Variants in CNTNAP2 observed in about 807,000 individuals in gnomAD.
CNTNAP2 encodes the protein contactin associated protein 2, also known as contactin-associated protein-like 2.
A neutral mutation model predicts 155.2 loss-of-function variants in CNTNAP2; 98 were observed. The observed-to-expected ratio is 0.63, with a 90% CI of 0.54 to 0.75. CNTNAP2 has a LOEUF of 0.75. Ranked by LOEUF, CNTNAP2 falls within the 30% of genes least tolerant of loss-of-function variation. The pLI is 0.00. For missense variants in CNTNAP2, 1,727 were observed against 1,688.1 expected (o/e 1.02, Z -0.40); for synonymous variants, 651 against 631.2 (o/e 1.03, Z -0.47).
At chr7:146,233,551 G>C (rs1400793691) in intron 1 of CNTNAP2, among the ~76,000 whole-genome samples, 2 of 151,946 alleles carry the variant, frequency 1.3e-5, no homozygotes, top group African/African-American at 2.4e-5. Flanking sequence ...TGCCATGCTA[G>C]TGTGCTGCAC....
intron 11 of CNTNAP2, among the ~76,000 whole-genome samples, chr7:147,515,182 A>C (rs1233849248): frequency 6.6e-6 from 1 of 152,130 alleles, no homozygotes; most frequent in Non-Finnish European, 1.5e-5. Flanking sequence ...GGCAAGATCC[A>C]TCAACTCCAT....
chr7:147,149,765 A>T (rs1465845113), intron 8 of CNTNAP2, among the ~76,000 whole-genome samples: 2 of 152,176 alleles, frequency 1.3e-5, no homozygotes, highest in Non-Finnish European at 2.9e-5. Context: ...CAGATTATGG[A>T]GTGGGAGGTG....
chr7:147,236,964 G>T (rs986615709), intron 8 of CNTNAP2, among the ~76,000 whole-genome samples: 1 of 149,524 alleles, frequency 6.7e-6, no homozygotes, highest in Admixed American at 6.7e-5. Context: ...ATACCCTTTG[G>T]ATTGTCAAAA....
intron 3 of CNTNAP2, among the ~76,000 whole-genome samples, chr7:146,977,306 A>C (rs1461539239): frequency 6.6e-6 from 1 of 152,168 alleles, no homozygotes; most frequent in East Asian, 1.9e-4. Flanking sequence ...AATCAGAATG[A>C]AGGAGACATA....
Position 147,603,262 on chromosome 7 carries a change from T to C in CNTNAP2, c.1898-35844T>C, listed in dbSNP as rs566364985. ...TGATGATGAGCATTTTTTCATGTGT[T>C]TTTTGGCTGCATAAATGTCTTCTTT... On this transcript the variant is annotated intron_variant, in intron 12 of 23. Coordinates refer to ENST00000361727, the MANE Select transcript of CNTNAP2 (RefSeq NM_014141.6). 3.3e-5 allele frequency among the ~76,000 whole-genome samples: 5 copies of C among 151,812 alleles called. No homozygotes were observed. The East Asian group carries it at 7.7e-4, about 23-fold the overall frequency.
At chr7:147,517,665 A>G (rs1393081453) in intron 11 of CNTNAP2, among the ~76,000 whole-genome samples, 5 of 152,258 alleles carry the variant, frequency 3.3e-5, no homozygotes, top group Admixed American at 2.0e-4. Context: ...ATAAGACTAC[A>G]GCACAAAGTA....
At chr7:146,806,897 TA>T (rs1240596888) in intron 2 of CNTNAP2, among the ~76,000 whole-genome samples, 3 of 152,144 alleles carry the variant, frequency 2.0e-5, no homozygotes, top group African/African-American at 7.2e-5. Context: ...GTTTTATCTG[TA>T]AAAGTGGTAT....
intron 1 of CNTNAP2, among the ~76,000 whole-genome samples, chr7:146,726,215 T>A (rs1223999009): frequency 1.3e-5 from 2 of 152,174 alleles, no homozygotes; most frequent in African/African-American, 4.8e-5. Flanking sequence ...TTTTCCTCAA[T>A]ATTTCTAGAA....
chr7:148,332,947 C>A (rs559494469), intron 21 of CNTNAP2, among the ~76,000 whole-genome samples: 2 of 152,250 alleles, frequency 1.3e-5, no homozygotes, highest in East Asian at 3.9e-4. Context: ...TAAGATTATC[C>A]TTTCTAGTGT....
intron 1 of CNTNAP2, among the ~76,000 whole-genome samples, chr7:146,497,509 G>T (rs559962920): frequency 1.3e-5 from 2 of 151,790 alleles, no homozygotes; most frequent in African/African-American, 4.8e-5. Context: ...CCAACTTCAG[G>T]CTTCTTAGTT....
At chr7:146,509,291 TG>T (rs1797431974) in intron 1 of CNTNAP2, among the ~76,000 whole-genome samples, 1 of 152,204 alleles carries the variant, frequency 6.6e-6, no homozygotes, top group South Asian at 2.1e-4. Flanking sequence ...GCCTTGCCCC[TG>T]TGCTAACCAC....
At position 146,975,023 on chromosome 7, in the gene CNTNAP2, C is replaced by T. The variant is rs1037546846; in HGVS notation, c.403-68884C>T. On this transcript the variant is annotated intron_variant, in intron 3 of 23. Transcript: ENST00000361727. ...ATAGACAGTATATTCACCAGGTATA[C>T]GTATATTAACTTCTATTAATTTAAT... Among the ~76,000 whole-genome samples, 8 of 152,144 alleles carry T rather than the reference C, an allele frequency of 5.3e-5. No individual in the cohort carries two copies. The East Asian group carries it at 5.8e-4, about 11-fold the overall frequency.
Position 148,417,543 on chromosome 7 carries a change from T to C in CNTNAP2, c.*1927T>C, listed in dbSNP as rs1800022666. 1 of 152,394 alleles carries C rather than the reference T, an allele frequency of 6.6e-6. No homozygotes were observed. Among genetic ancestry groups the C allele is most frequent in the Non-Finnish European group, 1.5e-5 (1 of 68,048 alleles). The allele number at this position is 152,394 out of a possible 1,614,324, so 9.4% of individuals were successfully genotyped here. On this transcript the variant is annotated 3_prime_UTR_variant, in exon 24 of 24. Transcript: ENST00000361727. ...ACATTTAAAATGGAAAAATACTTAA[T>C]ATCACTAAATATCAGAACAATGTAA...
At chr7:147,176,269 TAGAG>T (rs919943139) in intron 8 of CNTNAP2, among the ~76,000 whole-genome samples, 8 of 152,300 alleles carry the variant, frequency 5.3e-5, no homozygotes, top group South Asian at 2.1e-4. Flanking sequence ...TTTTTCAAAA[TAGAG>T]AGATAATTAA....
intron 15 of CNTNAP2, among the ~76,000 whole-genome samples, chr7:148,082,550 C>A (rs1803632282): frequency 6.6e-6 from 1 of 152,104 alleles, no homozygotes; most frequent in African/African-American, 2.4e-5. Context: ...GGAAGAGAAC[C>A]AGGACGCTCA....
At chr7:146,488,066 G>A (rs1797082892) in intron 1 of CNTNAP2, among the ~76,000 whole-genome samples, 1 of 152,096 alleles carries the variant, frequency 6.6e-6, no homozygotes, top group Non-Finnish European at 1.5e-5. Context: ...GTCTTGCTTT[G>A]TTTCAAATTT....
intron 15 of CNTNAP2, among the ~76,000 whole-genome samples, chr7:148,086,193 T>C (rs1376397344): frequency 3.3e-5 from 5 of 152,228 alleles, no homozygotes; most frequent in South Asian, 4.1e-4. Flanking sequence ...TTGATAGTTA[T>C]GATAATTGAT....
At chr7:147,997,683 G>A (rs1276304606) in intron 15 of CNTNAP2, among the ~76,000 whole-genome samples, 1 of 152,146 alleles carries the variant, frequency 6.6e-6, no homozygotes, top group Admixed American at 6.5e-5. Flanking sequence ...AGAGAGAGAG[G>A]AGTCAGGGTG....
At chr7:146,712,348 C>G (rs1309582978) in intron 1 of CNTNAP2, among the ~76,000 whole-genome samples, 1 of 126,972 alleles carries the variant, frequency 7.9e-6, no homozygotes, top group Non-Finnish European at 1.6e-5. Flanking sequence ...GTATACATAT[C>G]TTATGTATAC....
Sources: allele counts gnomAD v4.1 joint callset (sites outside exome capture counted in the v4.1 genomes callset), GRCh38; gene constraint gnomAD v4.1.1; transcripts MANE v1.5; gene names NCBI Gene and HGNC (gene_info 2026-07-23, HGNC 2026-07-21).